DNAH6: variants seen among roughly 807,000 people sequenced by gnomAD.
The protein encoded by DNAH6 is dynein axonemal heavy chain 6.
A neutral mutation model predicts 491.4 loss-of-function variants in DNAH6; 340 were observed. The observed-to-expected ratio is 0.69, with a 90% CI of 0.63 to 0.76. The LOEUF (loss-of-function observed/expected upper bound fraction) is 0.76, where lower values mean the gene tolerates loss of function less well. Ranked by LOEUF, DNAH6 falls within the 30% of genes least tolerant of loss-of-function variation. The pLI, the probability that DNAH6 is intolerant of heterozygous loss-of-function variation, is 0.00. For missense variants in DNAH6, 4,443 were observed against 4,972.2 expected (o/e 0.89, Z 3.20); for synonymous variants, 1,603 against 1,686.1 (o/e 0.95, Z 1.21).
At chr2:84,636,911 A>T (rs1350966939) in intron 30 of DNAH6, among the ~76,000 whole-genome samples, 4 of 152,090 alleles carry the variant, frequency 2.6e-5, no homozygotes, top group Admixed American at 2.6e-4. Context: ...AAAAATAGAA[A>T]GTTGAATTGA....
At chr2:84,721,701 T>C (rs1698179252) in intron 59 of DNAH6, among the ~76,000 whole-genome samples, 6 of 152,162 alleles carry the variant, frequency 3.9e-5, no homozygotes, top group Admixed American at 3.9e-4. Context: ...ATTTAGAAAA[T>C]GTATGATTAT....
intron 63 of DNAH6, among the ~76,000 whole-genome samples, chr2:84,753,531 G>A (rs113151636): frequency 5.9e-5 from 9 of 151,992 alleles, no homozygotes; most frequent in African/African-American, 1.7e-4. Context: ...GCCAAGGCAG[G>A]CAGATCACCT....
intron 47 of DNAH6, among the ~76,000 whole-genome samples, chr2:84,698,852 A>G (rs1370421365): frequency 1.3e-5 from 2 of 152,248 alleles, no homozygotes; most frequent in Non-Finnish European, 2.9e-5. Context: ...AATACTACAC[A>G]GCCATTAAAA....
At chr2:84,488,167 A>G in the DNAH6 span, among the ~76,000 whole-genome samples, 2 of 152,188 alleles carry the variant, frequency 1.3e-5, no homozygotes, top group African/African-American at 4.8e-5. Context: ...CAACGATGGG[A>G]ATACTAGGTA....
chr2:84,747,161 A>G (rs1673047174), intron 63 of DNAH6, among the ~76,000 whole-genome samples: 1 of 152,148 alleles, frequency 6.6e-6, no homozygotes, highest in Admixed American at 6.5e-5. Context: ...ATATTACAAA[A>G]TACAATCATG....
rs1416555086 is a variant in DNAH6, at chr2:84,598,167, CTTTCTTTCTTTCTCTCTTTCT to C, written c.2868+2392_2868+2412del. Among the ~76,000 whole-genome samples, 11 of 72,760 alleles carry C rather than the reference CTTTCTTTCTTTCTCTCTTTCT, an allele frequency of 1.5e-4. 1 individual carries two copies. In the East Asian group the frequency reaches 3.8e-3, roughly 25 times the overall value. The allele number at this position is 72,760 out of a possible 152,430, so 47.7% of individuals were successfully genotyped here. On this transcript the variant is annotated intron_variant, in intron 18 of 76. Coordinates refer to ENST00000389394, the MANE Select transcript of DNAH6 (RefSeq NM_001370.2). Reference sequence around the variant, plus strand: ...TCTTTCTTTCTTTCTTTCTTTCTTTCTTTCTTTCTTTCTCTCTTTCTTTTCTTTCTTTCTTTCTTTCTATGA... The same window carrying C: ...TCTTTCTTTCTTTCTTTCTTTCTTTCTTTCTTTCTTTCTTTCTTTCTATGA...
At position 84,792,253 on chromosome 2, in the gene DNAH6, A is replaced by G. The variant is rs147259290; in HGVS notation, c.11240-4053A>G. ...GGAGGAAAATGGGGAGTTGTTGTTC[A>G]GTATAAAGTTATAGTTATACAAGAT... On this transcript the variant is annotated intron_variant, in intron 68 of 76. Coordinates refer to ENST00000389394, the MANE Select transcript of DNAH6 (RefSeq NM_001370.2). Among the ~76,000 whole-genome samples, 268 of 152,348 alleles carry G rather than the reference A, an allele frequency of 1.8e-3. 2 individuals are homozygous for G. The highest frequency in any genetic ancestry group is 6.1e-3 in the African/African-American group (252 of 41,582).
At chr2:84,629,307 G>A (rs1423105653) in intron 29 of DNAH6, among the ~76,000 whole-genome samples, 1 of 152,082 alleles carries the variant, frequency 6.6e-6, no homozygotes, top group African/African-American at 2.4e-5. Flanking sequence ...GTACATATAC[G>A]TATCATATTG....
chr2:84,671,830 G>A (rs975494714), intron 39 of DNAH6, among the ~76,000 whole-genome samples: 1 of 152,152 alleles, frequency 6.6e-6, no homozygotes, highest in Non-Finnish European at 1.5e-5. Context: ...ATTTAAATGT[G>A]GCATTGTGCA....
intron 20 of DNAH6, among the ~76,000 whole-genome samples, chr2:84,605,874 A>T (rs191377202): frequency 6.6e-6 from 1 of 152,328 alleles, no homozygotes; most frequent in Non-Finnish European, 1.5e-5. Context: ...AGCTGAAGTG[A>T]TCAGAGCATT....
Position 84,593,998 on chromosome 2 carries a change from G to A in DNAH6, c.2637G>A (p.Leu879=). ...FKVEVSKFEA[L]EEVSAELKLK... is the part of the protein sequence containing the mutation. ...TAGAAGTGTCCAAGTTTGAAGCTTTGGAAGAAGTCAGTGCTGAACTGAAGC... is the reference window on the plus strand; with the variant it reads ...TAGAAGTGTCCAAGTTTGAAGCTTTAGAAGAAGTCAGTGCTGAACTGAAGC... The change falls in exon 17 of 77, where the codon TTG becomes TTA. Residue 879 remains leucine (L), a synonymous_variant. Transcript: ENST00000389394. 2 of 1,549,540 alleles carry A rather than the reference G, an allele frequency of 1.3e-6. No individual in the cohort carries two copies. The highest frequency in any genetic ancestry group is 1.7e-6 in the Non-Finnish European group (2 of 1,145,864).
chr2:84,579,640 T>G lies in DNAH6; in HGVS notation c.2190T>G (p.Tyr730Ter), dbSNP rs777991985. Reference sequence around the variant, plus strand: ...TTGTTCCAACTACTACCACAGAATATGTTCATAGCTTATTATTTCTTGATG... The same window carrying G: ...TTGTTCCAACTACTACCACAGAATAGGTTCATAGCTTATTATTTCTTGATG... ...LEFVPTTTTE[Y>*]VHSLLFLDEI... The change falls in exon 14 of 77, where the codon TAT becomes TAG. Residue 730 changes from tyrosine (Y) to a stop codon, truncating the protein, a stop_gained. Coordinates refer to ENST00000389394, the MANE Select transcript of DNAH6 (RefSeq NM_001370.2). LOFTEE classifies it high-confidence loss of function. 7 of 1,597,584 alleles carry G rather than the reference T, an allele frequency of 4.4e-6. No homozygotes were observed. The African/African-American group carries it at 9.5e-5, about 22-fold the overall frequency.
intron 62 of DNAH6, among the ~76,000 whole-genome samples, chr2:84,738,171 T>C (rs1206790600): frequency 6.6e-6 from 1 of 152,112 alleles, no homozygotes; most frequent in Non-Finnish European, 1.5e-5. Context: ...AGATCTTCTG[T>C]GTATTGATTT....
At chr2:84,513,441 T>A (rs1483132448), upstream of DNAH6, among the ~76,000 whole-genome samples, 1 of 152,180 alleles carries the variant, frequency 6.6e-6, no homozygotes, top group Non-Finnish European at 1.5e-5. Flanking sequence ...GTCTTACAAC[T>A]TTTGTGGAAG....
At chr2:84,725,158 T>C (rs1398998645) in intron 60 of DNAH6, among the ~76,000 whole-genome samples, 2 of 152,214 alleles carry the variant, frequency 1.3e-5, no homozygotes, top group South Asian at 2.1e-4. Context: ...GAAGAGTCTG[T>C]TTTGATCTCT....
At chr2:84,586,716 G>A (rs1355964188) in intron 15 of DNAH6, among the ~76,000 whole-genome samples, 1 of 152,102 alleles carries the variant, frequency 6.6e-6, no homozygotes, top group African/African-American at 2.4e-5. Flanking sequence ...AGGAAATTAG[G>A]GGACAGGGTT....
chr2:84,582,606 T>C (rs944058467), intron 14 of DNAH6, among the ~76,000 whole-genome samples: 2 of 152,154 alleles, frequency 1.3e-5, no homozygotes, highest in East Asian at 3.9e-4. Context: ...CATCCGCCAC[T>C]GCGCCCAGCT....
intron 62 of DNAH6, among the ~76,000 whole-genome samples, chr2:84,744,188 G>C (rs1672759155): frequency 6.6e-6 from 1 of 152,208 alleles, no homozygotes; most frequent in Non-Finnish European, 1.5e-5. Context: ...CCCCAGAGGA[G>C]AGCCCCTGCA....
intron 4 of DNAH6, among the ~76,000 whole-genome samples, chr2:84,530,809 G>A (rs1677095518): frequency 6.6e-6 from 1 of 152,166 alleles, no homozygotes; most frequent in Non-Finnish European, 1.5e-5. Flanking sequence ...CAACCAGAAA[G>A]GAGTACAGGA....
Sources: allele counts gnomAD v4.1 joint callset (sites outside exome capture counted in the v4.1 genomes callset), GRCh38; gene constraint gnomAD v4.1.1; transcripts MANE v1.5; gene names NCBI Gene and HGNC (gene_info 2026-07-23, HGNC 2026-07-21).